The following NRF1 variants were observed in gnomAD, a reference collection of about 807,000 sequenced individuals.
NRF1 encodes alpha palindromic-binding protein.
Under a neutral mutation model 58.5 loss-of-function variants are expected in NRF1, and 5 were observed. The ratio of observed to expected loss-of-function variants is 0.09; its 90% CI spans 0.04 to 0.18. The LOEUF is 0.18. NRF1 is among the 10% of genes least tolerant of loss of function. NRF1 has a pLI of 1.00. For synonymous variants in NRF1, 224 were observed against 246.7 expected, an observed-to-expected ratio of 0.91 and a Z score of 0.86; for missense variants, 288 against 657.7, an observed-to-expected ratio of 0.44 and a Z score of 6.15.
intron 10 of NRF1, 102 bp downstream of exon 10, chr7:129,727,467 T>G: frequency 8.4e-7 from 1 of 1,195,946 alleles, no homozygotes; most frequent in Non-Finnish European, 1.1e-6. Flanking sequence ...TGAGCTTCGA[T>G]TTTTTTTTCT....
rs1804271441 is a variant in NRF1, at chr7:129,756,813, G to A, written c.*1632G>A. The stretch of plus-strand genomic sequence containing the variant: ...TTATATGTTCTTTTCTGTACGTAAT[G>A]GGGGGAGGGGAGGGAAATTTACATA... On this transcript the variant is annotated 3_prime_UTR_variant, in exon 11 of 11. Coordinates refer to ENST00000393232, the MANE Select transcript of NRF1 (RefSeq NM_005011.5). 1 of 152,494 alleles carries A rather than the reference G, an allele frequency of 6.6e-6. No individual in the cohort carries two copies. The highest frequency in any genetic ancestry group is 2.4e-5 in the African/African-American group (1 of 41,368). The allele number at this position is 152,494 out of a possible 1,614,324, so 9.4% of individuals were successfully genotyped here.
At chr7:129,657,909 C>G (rs1448030993) in intron 2 of NRF1, among the ~76,000 whole-genome samples, 2 of 152,086 alleles carry the variant, frequency 1.3e-5, no homozygotes, top group Non-Finnish European at 2.9e-5. Flanking sequence ...CTATGCCTGG[C>G]CTTTATCACA....
At chr7:129,727,215 CCT>C (rs1399041109) in intron 9 of NRF1, 24 bp from the exon 10 acceptor site, 5 of 1,564,286 alleles carry the variant, frequency 3.2e-6, no homozygotes, top group Non-Finnish European at 4.3e-6. Context: ...TATTCATCAT[CCT>C]CTCTCCTGTT....
intron 1 of NRF1, among the ~76,000 whole-genome samples, chr7:129,649,697 CA>C (rs1801492358): frequency 6.6e-6 from 1 of 151,782 alleles, no homozygotes; most frequent in East Asian, 1.9e-4. Flanking sequence ...TCTTCTGTAC[CA>C]GAGAGTACCC....
At chr7:129,631,481 T>C (rs557260800) in intron 1 of NRF1, among the ~76,000 whole-genome samples, 1 of 152,242 alleles carries the variant, frequency 6.6e-6, no homozygotes, top group East Asian at 1.9e-4. Context: ...TTGCCCAGGC[T>C]GGTCTTAAAT....
At chr7:129,731,827 G>T (rs1181018711) in intron 10 of NRF1, among the ~76,000 whole-genome samples, 1 of 152,020 alleles carries the variant, frequency 6.6e-6, no homozygotes. Flanking sequence ...GCCCAGGCTG[G>T]TCTCAAACTC....
At chr7:129,672,559 T>A (rs551445847) in intron 3 of NRF1, among the ~76,000 whole-genome samples, 1 of 152,314 alleles carries the variant, frequency 6.6e-6, no homozygotes, top group South Asian at 2.1e-4. Context: ...TGATAGTGTC[T>A]TAAAACCAAC....
rs937648005 is a variant in NRF1, at chr7:129,697,406, G to A, written c.606+6860G>A. Among the ~76,000 whole-genome samples the A allele has an allele frequency of 9.9e-5, 15 of 151,986 alleles. No homozygotes were observed. In the South Asian group the frequency reaches 1.5e-3, roughly 15 times the overall value. On this transcript the variant is annotated intron_variant, in intron 5 of 10. Coordinates refer to ENST00000393232, the MANE Select transcript of NRF1 (RefSeq NM_005011.5). ...AAAATTTAAAAAAAAAAATCAGCCC[G>A]GTGTGCTGGCACATGCCTGTAGTCC...
chr7:129,677,007 A>ATTTT (rs56059756), intron 3 of NRF1, among the ~76,000 whole-genome samples: 19,877 of 113,248 alleles, frequency 0.18, 2,182 homozygotes, highest in Admixed American at 0.24. Flanking sequence ...TCTTGGTTGC[A>ATTTT]TTTTTTTTTT....
At chr7:129,625,880 C>T (rs917208518) in intron 1 of NRF1, among the ~76,000 whole-genome samples, 7 of 152,060 alleles carry the variant, frequency 4.6e-5, no homozygotes, top group African/African-American at 7.3e-5. Context: ...GATGGGGTTT[C>T]ACCATGTTAG....
At position 129,756,954 on chromosome 7, in the gene NRF1, A is replaced by G. The variant is rs928387843; in HGVS notation, c.*1773A>G. ...TCCTTTGTGGTGAAATAACCTCCAA[A>G]TAGTTTGAGAAGTTGCCAAGACGAA... is the stretch of plus-strand genomic sequence containing the variant. On this transcript the variant is annotated 3_prime_UTR_variant, in exon 11 of 11. Coordinates refer to ENST00000393232, the MANE Select transcript of NRF1 (RefSeq NM_005011.5). The G allele has an allele frequency of 6.6e-6, 1 of 152,594 alleles. No individual in the cohort carries two copies. The highest frequency in any genetic ancestry group is 1.5e-5 in the Non-Finnish European group (1 of 68,032). 9.5% of individuals were successfully genotyped at this position (152,594 alleles called of 1,614,324 possible). A position where few individuals can be genotyped will look rare whatever the true frequency, so the allele number is the denominator to read the frequency against.
chr7:129,738,658 A>G (rs1230310469), intron 10 of NRF1, among the ~76,000 whole-genome samples: 4 of 152,092 alleles, frequency 2.6e-5, no homozygotes, highest in African/African-American at 9.7e-5. Context: ...TTTTTTTACT[A>G]CTGCTACAAC....
intron 3 of NRF1, among the ~76,000 whole-genome samples, chr7:129,677,362 A>C (rs558529826): frequency 2.6e-5 from 4 of 152,310 alleles, no homozygotes; most frequent in African/African-American, 9.6e-5. Context: ...GATGTTGCTC[A>C]GATCAAGAAG....
intron 10 of NRF1, among the ~76,000 whole-genome samples, chr7:129,738,269 G>A (rs1205897494): frequency 6.6e-6 from 1 of 152,262 alleles, no homozygotes; most frequent in Non-Finnish European, 1.5e-5. Context: ...AATATAAGGA[G>A]AGCTGTGAGC....
intron 5 of NRF1, among the ~76,000 whole-genome samples, chr7:129,694,262 A>C (rs936942082): frequency 2.6e-5 from 4 of 152,342 alleles, no homozygotes; most frequent in African/African-American, 9.6e-5. Flanking sequence ...GGGAATTTCC[A>C]AGTATTTGGA....
chr7:129,685,358 G>A (rs2151090250), intron 4 of NRF1, among the ~76,000 whole-genome samples: 1 of 152,226 alleles, frequency 6.6e-6, no homozygotes, highest in Admixed American at 6.5e-5. Context: ...CGAGGCTGCA[G>A]TGAACAAACC....
chr7:129,656,186 G>A (rs1801650299), intron 1 of NRF1, among the ~76,000 whole-genome samples: 1 of 151,894 alleles, frequency 6.6e-6, no homozygotes, highest in South Asian at 2.1e-4. Flanking sequence ...CTGCATTGAT[G>A]TTTAGTTTAT....
chr7:129,733,743 G>T (rs1293808735), intron 10 of NRF1, among the ~76,000 whole-genome samples: 1 of 152,002 alleles, frequency 6.6e-6, no homozygotes, highest in Non-Finnish European at 1.5e-5. Flanking sequence ...GTTAGTGGAG[G>T]CCCGACAAAG....
intron 5 of NRF1, among the ~76,000 whole-genome samples, chr7:129,695,108 C>T (rs1025860086): frequency 6.6e-6 from 1 of 152,074 alleles, no homozygotes; most frequent in Non-Finnish European, 1.5e-5. Flanking sequence ...TGTAAAGTAG[C>T]ATTTTTTATA....
Sources: allele counts gnomAD v4.1 joint callset (sites outside exome capture counted in the v4.1 genomes callset), GRCh38; gene constraint gnomAD v4.1.1; transcripts MANE v1.5; gene names NCBI Gene and HGNC (gene_info 2026-07-23, HGNC 2026-07-21).